The following PHEX variants were observed in gnomAD, a reference collection of about 807,000 sequenced individuals.
PHEX encodes phosphate regulating endopeptidase X-linked, also known as phosphate-regulating neutral endopeptidase PHEX.
PHEX carries 16 observed loss-of-function variants against 68.0 expected under a neutral mutation model. That is an observed-to-expected ratio of 0.24 (90% confidence interval 0.16 to 0.36). The LOEUF is 0.36. Among genes scored for constraint, PHEX ranks in the 10% least tolerant of loss-of-function variants. The pLI is 1.00. For synonymous variants in PHEX, 208 were observed against 205.1 expected (o/e 1.01, Z -0.12); for missense variants, 480 against 575.5 (o/e 0.83, Z 1.70).
At chrX:22,102,489 G>A (rs1275299801) in intron 9 of PHEX, among the ~76,000 whole-genome samples, 4 of 112,093 alleles carry the variant, frequency 3.6e-5, no homozygotes, top group African/African-American at 1.3e-4. Flanking sequence ...GGACACTTAG[G>A]TTGCTTCTGG....
intron 20 of PHEX, among the ~76,000 whole-genome samples, chrX:22,242,864 C>G (rs1936268951): frequency 9.0e-6 from 1 of 111,501 alleles, no homozygotes; most frequent in Non-Finnish European, 1.9e-5. Context: ...TCAAGGTAAT[C>G]TATAGATTCA....
At chrX:22,059,803 A>T (rs947696308) in intron 3 of PHEX, among the ~76,000 whole-genome samples, 1 of 111,019 alleles carries the variant, frequency 9.0e-6, no homozygotes, top group East Asian at 2.8e-4. Context: ...CACTGTCTAG[A>T]CTCCCGGGGT....
intron 11 of PHEX, among the ~76,000 whole-genome samples, chrX:22,133,044 C>A (rs900564836): frequency 2.7e-5 from 3 of 110,977 alleles, no homozygotes; most frequent in Non-Finnish European, 5.7e-5. Flanking sequence ...TGCCTCTACA[C>A]CAAGCTAATT....
chrX:22,047,316 A>G, intron 3 of PHEX, 105 bp downstream of exon 3: 1 of 688,267 alleles, frequency 1.5e-6, no homozygotes, highest in Non-Finnish European at 2.3e-6. Context: ...TTTAACTACC[A>G]TGCTAAATTC....
At chrX:22,246,888 T>A (rs1936408239) in intron 21 of PHEX, among the ~76,000 whole-genome samples, 1 of 112,055 alleles carries the variant, frequency 8.9e-6, no homozygotes, top group Non-Finnish European at 1.9e-5. Context: ...GTCAACCCTT[T>A]GAACACGGAG....
chrX:22,167,477 T>A (rs1933365041), intron 12 of PHEX, among the ~76,000 whole-genome samples: 1 of 107,295 alleles, frequency 9.3e-6, no homozygotes. Context: ...TTTCCCTTTT[T>A]AATTTTTTAA....
chrX:22,094,370 G>A (rs1403209461), intron 7 of PHEX, among the ~76,000 whole-genome samples: 1 of 112,059 alleles, frequency 8.9e-6, no homozygotes, highest in East Asian at 2.8e-4. Flanking sequence ...GCTCAGCTGT[G>A]GCCAAAGAAT....
intron 3 of PHEX, among the ~76,000 whole-genome samples, chrX:22,055,806 T>C (rs1002998061): frequency 2.7e-5 from 3 of 112,087 alleles, no homozygotes; most frequent in Non-Finnish European, 5.6e-5. Context: ...TTGATCCACC[T>C]GCCTCTGCCT....
At chrX:22,139,482 A>G (rs778049312) in intron 12 of PHEX, among the ~76,000 whole-genome samples, 2 of 111,478 alleles carry the variant, frequency 1.8e-5, no homozygotes, top group African/African-American at 6.5e-5. Flanking sequence ...GCATATATCT[A>G]TTTATTTTTT....
intron 1 of PHEX, 108 bp from the exon 2 acceptor site, chrX:22,038,361 A>C: frequency 1.7e-6 from 1 of 590,497 alleles, no homozygotes; most frequent in Admixed American, 2.2e-5. Flanking sequence ...CCGTGTCAAC[A>C]CTGAGAAGGA....
chrX:22,041,265 C>CTCTCTCTATATATATATATATA (rs1468778300), intron 2 of PHEX, among the ~76,000 whole-genome samples: 1 of 72,817 alleles, frequency 1.4e-5, no homozygotes, highest in African/African-American at 6.3e-5. Context: ...CTCTCTCTCT[C>CTCTCTCTATATATATATATATA]TATATATATA....
chrX:22,042,098 C>G (rs1927315693), intron 2 of PHEX, among the ~76,000 whole-genome samples: 2 of 111,384 alleles, frequency 1.8e-5, no homozygotes, highest in Non-Finnish European at 3.8e-5. Context: ...TACGGCCAAG[C>G]CAGGGCCTTA....
intron 21 of PHEX, among the ~76,000 whole-genome samples, chrX:22,247,036 C>A (rs752644208): frequency 9.0e-6 from 1 of 111,584 alleles, no homozygotes; most frequent in Admixed American, 9.6e-5. Flanking sequence ...CAGCTACAAT[C>A]AAAGTGCTGA....
In PHEX at chrX:22,114,517, A is replaced by G. The variant is rs1359554850; in HGVS notation, c.1233A>G (p.Glu411=). ...GGGACAAATGTGTAAACTTTATTGA[A>G]AGTGCCCTCCCTTATGTTGTTGGAA... ...PQWDKCVNFI[E]SALPYVVGKM... Residue 411 remains glutamate (E), a synonymous_variant, in exon 11 of 22, where the codon GAA becomes GAG. Transcript: ENST00000379374. The G allele has an allele frequency of 8.4e-7, 1 of 1,190,999 alleles. No individual in the cohort carries two copies. The highest frequency in any genetic ancestry group is 1.1e-6 in the Non-Finnish European group (1 of 878,012).
At chrX:22,157,945 C>T (rs907627533) in intron 12 of PHEX, among the ~76,000 whole-genome samples, 8 of 111,441 alleles carry the variant, frequency 7.2e-5, no homozygotes, top group East Asian at 2.8e-4. Context: ...GCTTGTGGAC[C>T]GCACCCAAAA....
rs1170328317 is a variant in PHEX at position 22,184,795 on chromosome X, CTCTA to C, written c.1587-5645_1587-5642del. Among the ~76,000 whole-genome samples, 9 of 112,038 alleles carry C rather than the reference CTCTA, an allele frequency of 8.0e-5. No homozygotes were observed. In the East Asian group the frequency reaches 2.5e-3, roughly 31 times the overall value. ...TACTGAGACCAAACACGTCTGAATT[CTCTA>C]TCTTTTGAAAAATATGTAAAAATGC... On this transcript the variant is annotated intron_variant, in intron 14 of 21. Transcript: ENST00000379374.
chrX:22,147,632 A>G (rs1932752828), intron 12 of PHEX, among the ~76,000 whole-genome samples: 1 of 110,762 alleles, frequency 9.0e-6, no homozygotes, highest in Non-Finnish European at 1.9e-5. Flanking sequence ...AGAATCTCAT[A>G]TACAAACTGG....
chrX:22,193,305 C>T lies in PHEX; in HGVS notation c.1645+2803C>T, dbSNP rs375670028. The stretch of plus-strand genomic sequence containing the variant: ...TGCAAAAGAACATGTAACATTTTGG[C>T]ACATATAAGTTATAAAGAATATATG... On this transcript the variant is annotated intron_variant, in intron 15 of 21. Transcript: ENST00000379374. Among the ~76,000 whole-genome samples the T allele has an allele frequency of 9.0e-5, 10 of 111,087 alleles. No homozygotes were observed. The East Asian group carries it at 1.7e-3, about 19-fold the overall frequency.
At chrX:22,091,406 C>T (rs944537944) in intron 6 of PHEX, among the ~76,000 whole-genome samples, 1 of 112,036 alleles carries the variant, frequency 8.9e-6, no homozygotes, top group East Asian at 2.8e-4. Context: ...AATGATTCTA[C>T]CTTCAAAATA....
Sources: gnomAD v4.1 joint callset for allele counts (sites outside exome capture counted in the v4.1 genomes callset) on GRCh38, gnomAD v4.1.1 for gene constraint, MANE v1.5 for transcripts, NCBI Gene and HGNC (gene_info 2026-07-23, HGNC 2026-07-21) for gene names.